The following LRRIQ3 variants were observed in gnomAD, a reference collection of about 807,000 sequenced individuals.
LRRIQ3 encodes leucine-rich repeat and IQ domain-containing protein 3.
LRRIQ3 carries 75 observed loss-of-function variants against 59.3 expected under a neutral mutation model. The observed-to-expected ratio is 1.26, with a 90% CI of 1.05 to 1.53. The LOEUF is 1.53. Ranked by LOEUF, LRRIQ3 falls within the 40% of genes most tolerant of loss-of-function variation. The probability of loss-of-function intolerance (pLI) is 0.00; values close to 1 mark genes in which losing one functional copy is unlikely to be tolerated. For synonymous variants in LRRIQ3, 250 were observed against 231.3 expected, an observed-to-expected ratio of 1.08 and a Z score of -0.73; for missense variants, 831 against 710.0, an observed-to-expected ratio of 1.17 and a Z score of -1.94.
chr1:74,044,278 C>G (rs114407365), intron 6 of LRRIQ3, among the ~76,000 whole-genome samples: 1 of 151,994 alleles, frequency 6.6e-6, no homozygotes, highest in Admixed American at 6.6e-5. Flanking sequence ...ATGCAATCCC[C>G]AATGTTGGAT....
chr1:74,193,205 T>C (rs769726667), intron 1 of LRRIQ3, among the ~76,000 whole-genome samples: 1 of 152,190 alleles, frequency 6.6e-6, no homozygotes, highest in Non-Finnish European at 1.5e-5. Context: ...TATATACACA[T>C]TTGTAAATTA....
intron 3 of LRRIQ3, chr1:74,179,990 A>G (rs915514941): frequency 6.6e-6 from 1 of 151,930 alleles, no homozygotes; most frequent in African/African-American, 2.4e-5. Context: ...TGAGGCAAGT[A>G]CCACTTCACT....
chr1:74,131,583 A>G (rs951564997), intron 4 of LRRIQ3, among the ~76,000 whole-genome samples: 18 of 152,226 alleles, frequency 1.2e-4, no homozygotes, highest in Non-Finnish European at 2.1e-4. Flanking sequence ...ATGCAAATCA[A>G]TAAATGTAAT....
At chr1:74,133,082 A>G (rs1357329219) in intron 4 of LRRIQ3, among the ~76,000 whole-genome samples, 8 of 152,196 alleles carry the variant, frequency 5.3e-5, no homozygotes, top group Non-Finnish European at 7.3e-5. Context: ...AAAAGAAGAC[A>G]TTTATGCAGC....
At chr1:74,167,628 G>A (rs1649071185) in intron 3 of LRRIQ3, among the ~76,000 whole-genome samples, 1 of 151,710 alleles carries the variant, frequency 6.6e-6, no homozygotes, top group African/African-American at 2.4e-5. Flanking sequence ...TGGGCTGGGG[G>A]TGAGAGATAA....
intron 6 of LRRIQ3, among the ~76,000 whole-genome samples, chr1:74,065,618 A>T (rs562083138): frequency 3.9e-5 from 6 of 152,250 alleles, no homozygotes; most frequent in African/African-American, 1.4e-4. Flanking sequence ...ATATCGTTTA[A>T]TCTGTGTTTG....
Position 74,041,217 on chromosome 1 carries a change from C to CT in LRRIQ3, c.1713dup (p.Val572SerfsTer2). 1.3e-6 allele frequency: 2 copies of CT among 1,571,114 alleles called. No homozygotes were observed. Among genetic ancestry groups the CT allele is most frequent in the African/African-American group, 1.4e-5 (1 of 72,692 alleles). On this transcript the variant is annotated frameshift_variant, in exon 7 of 8. Coordinates refer to ENST00000354431, the MANE Select transcript of LRRIQ3 (RefSeq NM_001105659.2). LOFTEE classifies it low-confidence loss of function (END_TRUNC). ...TTATATCTAAATTGTACCTACCTAA[C>CT]TTTTTTCATTTCTTTAAGTAAATTC...
chr1:74,139,476 C>T (rs1005522086), intron 4 of LRRIQ3, among the ~76,000 whole-genome samples: 3 of 151,874 alleles, frequency 2.0e-5, no homozygotes, highest in African/African-American at 7.2e-5. Flanking sequence ...CTGTATTGTA[C>T]CCATAAATAC....
intron 5 of LRRIQ3, among the ~76,000 whole-genome samples, chr1:74,089,158 A>G (rs1646366966): frequency 6.6e-6 from 1 of 152,064 alleles, no homozygotes; most frequent in Admixed American, 6.6e-5. Context: ...ACATAAAATA[A>G]CAAGTATTGG....
At chr1:74,099,231 C>T (rs1173779244) in intron 5 of LRRIQ3, among the ~76,000 whole-genome samples, 3 of 152,220 alleles carry the variant, frequency 2.0e-5, no homozygotes, top group East Asian at 3.9e-4. Flanking sequence ...GATATCACCA[C>T]TAATCCCACA....
At chr1:74,107,544 A>T (rs2100556771) in intron 5 of LRRIQ3, among the ~76,000 whole-genome samples, 1 of 150,544 alleles carries the variant, frequency 6.6e-6, no homozygotes, top group South Asian at 2.1e-4. Flanking sequence ...AAGTGAATAA[A>T]AATAATACAT....
chr1:74,049,235 A>G (rs1295272561), intron 6 of LRRIQ3, among the ~76,000 whole-genome samples: 4 of 152,204 alleles, frequency 2.6e-5, no homozygotes, highest in Non-Finnish European at 5.9e-5. Context: ...GAGGTAAGGC[A>G]GGGGCCAGAT....
At chr1:74,081,321 A>G (rs146340402) in intron 5 of LRRIQ3, among the ~76,000 whole-genome samples, 2 of 151,740 alleles carry the variant, frequency 1.3e-5, no homozygotes, top group African/African-American at 2.4e-5. Flanking sequence ...TTAAGAACAC[A>G]TGACAAAAAA....
chr1:74,152,206 T>A (rs183796667), intron 4 of LRRIQ3, among the ~76,000 whole-genome samples: 1 of 152,026 alleles, frequency 6.6e-6, no homozygotes, highest in East Asian at 1.9e-4. Context: ...ATTTAAAAAC[T>A]AATTTTATAT....
chr1:74,182,878 A>C lies in LRRIQ3; in HGVS notation c.250-17T>G, dbSNP rs566175627. Reference sequence around the variant, plus strand: ...ACTCTTTATCTGAAATATTATTAAAAATCTTTTAAATTCCAAAATTACTTT... The same window carrying C: ...ACTCTTTATCTGAAATATTATTAAACATCTTTTAAATTCCAAAATTACTTT... On this transcript the variant is annotated splice_polypyrimidine_tract_variant and intron_variant, in intron 2 of 7. Transcript: ENST00000354431. 3.5e-5 allele frequency: 47 copies of C among 1,329,778 alleles called. No homozygotes were observed. The South Asian group carries it at 8.8e-4, about 25-fold the overall frequency. 82.4% of individuals were successfully genotyped at this position (1,329,778 alleles called of 1,614,324 possible). A position where few individuals can be genotyped will look rare whatever the true frequency, so the allele number is the denominator to read the frequency against.
intron 6 of LRRIQ3, among the ~76,000 whole-genome samples, chr1:74,055,936 T>A (rs978792259): frequency 1.3e-5 from 2 of 152,012 alleles, no homozygotes; most frequent in South Asian, 2.1e-4. Context: ...CGAGGTCAGG[T>A]GATCAAGATC....
chr1:74,140,696 A>G (rs1647221803), intron 4 of LRRIQ3, among the ~76,000 whole-genome samples: 1 of 151,832 alleles, frequency 6.6e-6, no homozygotes, highest in African/African-American at 2.4e-5. Context: ...ATCATATAGG[A>G]CAGGATTTCC....
chr1:74,189,113 T>C (rs1277226987), intron 1 of LRRIQ3, among the ~76,000 whole-genome samples: 2 of 152,128 alleles, frequency 1.3e-5, no homozygotes, highest in Non-Finnish European at 2.9e-5. Context: ...TAGGTTCAGC[T>C]GGAATGCTGA....
intron 6 of LRRIQ3, among the ~76,000 whole-genome samples, chr1:74,056,875 G>A (rs1247231771): frequency 6.6e-6 from 1 of 152,120 alleles, no homozygotes; most frequent in Non-Finnish European, 1.5e-5. Context: ...ATTGGATCAT[G>A]GAGGTGGTTT....
Sources: allele counts gnomAD v4.1 joint callset (sites outside exome capture counted in the v4.1 genomes callset), GRCh38; gene constraint gnomAD v4.1.1; transcripts MANE v1.5; gene names NCBI Gene and HGNC (gene_info 2026-07-23, HGNC 2026-07-21).